The following RBFOX1 variants were observed in gnomAD, a reference collection of about 807,000 sequenced individuals.
RBFOX1 encodes RNA binding fox-1 homolog 1, also known as RNA binding protein fox-1 homolog 1.
RBFOX1 carries 8 observed loss-of-function variants against 57.7 expected under a neutral mutation model. That is an observed-to-expected ratio of 0.14 (90% CI 0.08 to 0.25). The LOEUF (loss-of-function observed/expected upper bound fraction) is 0.25. Ranked by LOEUF, RBFOX1 falls within the 10% of genes least tolerant of loss-of-function variation. The pLI is 1.00. For missense variants in RBFOX1, 611 were observed against 548.5 expected (o/e 1.11, Z -1.14); for synonymous variants, 326 against 222.4 (o/e 1.47, Z -4.15).
intron 1 of RBFOX1, among the ~76,000 whole-genome samples, chr16:6,311,559 T>A (rs1376981506): frequency 1.3e-5 from 2 of 152,184 alleles, no homozygotes; most frequent in African/African-American, 4.8e-5. Flanking sequence ...GGTGGTGCTT[T>A]AACCCATGAC....
At chr16:7,168,189 G>T (rs1324610561) in intron 4 of RBFOX1, among the ~76,000 whole-genome samples, 1 of 152,174 alleles carries the variant, frequency 6.6e-6, no homozygotes, top group East Asian at 1.9e-4. Flanking sequence ...ATGAGCAGCA[G>T]CTTTGTATTA....
At chr16:5,466,560 C>A (rs1430485839) in intron 1 of RBFOX1, among the ~76,000 whole-genome samples, 1 of 152,200 alleles carries the variant, frequency 6.6e-6, no homozygotes, top group Non-Finnish European at 1.5e-5. Context: ...AATCCTAGTT[C>A]AGGAGCTGGG....
intron 2 of RBFOX1, chr16:6,577,351 G>A (rs911067235): frequency 2.6e-5 from 4 of 152,168 alleles, no homozygotes; most frequent in African/African-American, 7.2e-5. Flanking sequence ...AGATTTTGGA[G>A]CAATAATGCT....
At position 6,176,313 on chromosome 16, in the gene RBFOX1, A is replaced by ATTTTTTTTT. The variant is rs34667158; in HGVS notation, c.-126-140665_-126-140657dup. On this transcript the variant is annotated intron_variant, in intron 1 of 15. Coordinates refer to ENST00000550418, the MANE Select transcript of RBFOX1 (RefSeq NM_018723.4). Reference sequence around the variant, plus strand: ...GGTGCCCACCGCCATGCCTGACCAAATTTTTTTTTTTTTTTTTTTTTTTTT... The same window carrying ATTTTTTTTT: ...GGTGCCCACCGCCATGCCTGACCAAATTTTTTTTTTTTTTTTTTTTTTTTTTTTTTTTTT... Among the ~76,000 whole-genome samples the ATTTTTTTTT allele has an allele frequency of 3.1e-5, 3 of 95,256 alleles. 1 individual carries two copies. The highest frequency in any genetic ancestry group is 1.4e-4 in the African/African-American group (3 of 21,616). 62.5% of individuals were successfully genotyped at this position (95,256 alleles called of 152,430 possible).
intron 4 of RBFOX1, among the ~76,000 whole-genome samples, chr16:7,229,053 T>A (rs4786984): frequency 0.65 from 99,456 of 152,060 alleles, 33,767 homozygotes; most frequent in East Asian, 0.95. Flanking sequence ...AAACTGTTTT[T>A]AAAAATGGTT....
At chr16:7,454,364 G>A (rs923572603) in intron 4 of RBFOX1, among the ~76,000 whole-genome samples, 2 of 152,166 alleles carry the variant, frequency 1.3e-5, no homozygotes, top group Admixed American at 6.5e-5. Context: ...CCAGTGTCTT[G>A]CCAGATTTTC....
intron 4 of RBFOX1, among the ~76,000 whole-genome samples, chr16:7,204,551 A>G (rs575268480): frequency 6.6e-6 from 1 of 152,104 alleles, no homozygotes; most frequent in Non-Finnish European, 1.5e-5. Context: ...GAAGCTGAGG[A>G]TGGAGAATCA....
intron 1 of RBFOX1, among the ~76,000 whole-genome samples, chr16:6,152,078 G>A (rs1182512289): frequency 6.6e-6 from 1 of 151,980 alleles, no homozygotes; most frequent in Non-Finnish European, 1.5e-5. Context: ...TTCCTTTATT[G>A]GCCAGGAGAA....
At chr16:6,243,733 T>C (rs1224038887) in intron 1 of RBFOX1, among the ~76,000 whole-genome samples, 1 of 152,150 alleles carries the variant, frequency 6.6e-6, no homozygotes, top group African/African-American at 2.4e-5. Flanking sequence ...TGCCACTCCA[T>C]TCAGAAATTG....
At chr16:6,916,273 G>C (rs536815013) in intron 3 of RBFOX1, among the ~76,000 whole-genome samples, 1 of 152,278 alleles carries the variant, frequency 6.6e-6, no homozygotes, top group East Asian at 1.9e-4. Flanking sequence ...TGGAGTCACT[G>C]TTGTTTCCAC....
intron 4 of RBFOX1, chr16:7,126,488 C>G (rs1386080514): frequency 4.4e-6 from 1 of 229,760 alleles, no homozygotes; most frequent in African/African-American, 2.3e-5. Flanking sequence ...CAGAAACATC[C>G]CTGACTGCTG....
intron 3 of RBFOX1, among the ~76,000 whole-genome samples, chr16:6,845,510 G>C (rs1233764936): frequency 1.3e-5 from 2 of 152,224 alleles, no homozygotes; most frequent in East Asian, 1.9e-4. Context: ...TCTTATTTCT[G>C]AGTTCTGTGT....
At chr16:5,421,597 G>T (rs577137906) in intron 1 of RBFOX1, among the ~76,000 whole-genome samples, 36 of 152,254 alleles carry the variant, frequency 2.4e-4, no homozygotes, top group Non-Finnish European at 3.1e-4. Context: ...GGGAGCCCAA[G>T]AAGAAAATCA....
At chr16:5,857,856 A>C (rs1191003603) in intron 3 of RBFOX1, among the ~76,000 whole-genome samples, 1 of 151,970 alleles carries the variant, frequency 6.6e-6, no homozygotes, top group African/African-American at 2.4e-5. Context: ...CTGAGGTGGG[A>C]GGATCCCTTG....
intron 2 of RBFOX1, among the ~76,000 whole-genome samples, chr16:6,534,582 T>G (rs1385662912): frequency 6.6e-6 from 1 of 152,158 alleles, no homozygotes; most frequent in Non-Finnish European, 1.5e-5. Context: ...ACCAAATGTT[T>G]AGTAAATATT....
intron 1 of RBFOX1, among the ~76,000 whole-genome samples, chr16:6,052,503 G>C (rs1239700470): frequency 2.0e-5 from 3 of 152,102 alleles, no homozygotes; most frequent in Non-Finnish European, 4.4e-5. Flanking sequence ...ATAATGCCTA[G>C]GCCGGGCGCG....
intron 4 of RBFOX1, among the ~76,000 whole-genome samples, chr16:7,509,498 T>G (rs972819846): frequency 6.6e-6 from 1 of 151,986 alleles, no homozygotes; most frequent in Non-Finnish European, 1.5e-5. Flanking sequence ...AATAATATGG[T>G]GAAGCTACTC....
At chr16:5,772,129 A>G (rs9932793) in intron 3 of RBFOX1, among the ~76,000 whole-genome samples, 69,119 of 151,976 alleles carry the variant, frequency 0.45, 16,270 homozygotes, top group East Asian at 0.61. Flanking sequence ...CCGAGATCAC[A>G]CCAGCACACT....
intron 4 of RBFOX1, among the ~76,000 whole-genome samples, chr16:7,315,774 G>T (rs1192866078): frequency 2.6e-5 from 4 of 151,950 alleles, no homozygotes; most frequent in Admixed American, 1.3e-4. Flanking sequence ...ACTGATTTTT[G>T]TATTTTTGTT....
Sources: gnomAD v4.1 joint callset for allele counts (sites outside exome capture counted in the v4.1 genomes callset) on GRCh38, gnomAD v4.1.1 for gene constraint, MANE v1.5 for transcripts, NCBI Gene and HGNC (gene_info 2026-07-23, HGNC 2026-07-21) for gene names.